The following MPHOSPH9 variants were observed in gnomAD, a reference collection of about 807,000 sequenced individuals.
MPHOSPH9 encodes M-phase phosphoprotein 9.
MPHOSPH9 carries 88 observed loss-of-function variants against 145.5 expected under a neutral mutation model. The ratio of observed to expected loss-of-function variants is 0.60; its 90% CI spans 0.51 to 0.72. The LOEUF (loss-of-function observed/expected upper bound fraction) is 0.72, where lower values mean the gene tolerates loss of function less well. Ranked by LOEUF, MPHOSPH9 falls within the 30% of genes least tolerant of loss-of-function variation. The probability of loss-of-function intolerance (pLI) is 0.00; values close to 1 mark genes in which losing one functional copy is unlikely to be tolerated. For missense variants in MPHOSPH9, 1,238 were observed against 1,386.6 expected, an observed-to-expected ratio of 0.89 and a Z score of 1.70; for synonymous variants, 435 against 486.2, an observed-to-expected ratio of 0.89 and a Z score of 1.39.
chr12:123,240,209 C>CA (rs55859746), intron 1 of MPHOSPH9, among the ~76,000 whole-genome samples: 18 of 135,050 alleles, frequency 1.3e-4, no homozygotes, highest in African/African-American at 5.1e-4. Context: ...ATTAAAAATA[C>CA]AAAAAAAAAA....
At chr12:123,164,650 A>C (rs950715287) in intron 18 of MPHOSPH9, among the ~76,000 whole-genome samples, 4 of 152,238 alleles carry the variant, frequency 2.6e-5, no homozygotes, top group Non-Finnish European at 5.9e-5. Flanking sequence ...TGATGTGTGC[A>C]AGTAAGATGG....
intron 12 of MPHOSPH9, 61 bp downstream of exon 12, chr12:123,198,186 A>T: frequency 8.2e-7 from 1 of 1,222,038 alleles, no homozygotes; most frequent in Admixed American, 2.0e-5. Flanking sequence ...AACATAACTG[A>T]TGTTATCACG....
In MPHOSPH9 at chr12:123,156,875, G is replaced by A. The variant is rs757482974; in HGVS notation, c.3484C>T (p.Arg1162Ter). The change falls in exon 24 of 24, where the codon CGA (arginine) becomes TGA (stop). Residue 1162 changes from arginine to a stop codon, truncating the protein, a stop_gained. Coordinates refer to ENST00000606320, the MANE Select transcript of MPHOSPH9 (RefSeq NM_022782.4). LOFTEE classifies it high-confidence loss of function. ...GTCATGCGAACTGAACCCAGTTCTC[G>A]ATTAATCCTTTCCAAACGATCTTCC... ...ALEDRLERIN[R>*]ELGSVRMTLK... is the part of the protein sequence containing the mutation. 3.1e-6 allele frequency: 5 copies of A among 1,609,590 alleles called. No homozygotes were observed. Among genetic ancestry groups the A allele is most frequent in the African/African-American group, 2.7e-5 (2 of 74,866 alleles).
At chr12:123,193,822 A>T (rs55936788) in intron 13 of MPHOSPH9, among the ~76,000 whole-genome samples, 1 of 68,686 alleles carries the variant, frequency 1.5e-5, no homozygotes, top group Non-Finnish European at 4.3e-5. Flanking sequence ...ATGCAGACAC[A>T]GTTTTTTTTT....
intron 3 of MPHOSPH9, chr12:123,226,257 A>G: frequency 3.5e-6 from 3 of 850,418 alleles, no homozygotes; most frequent in African/African-American, 3.6e-5. Context: ...TATAATTTCA[A>G]TAATTATGGA....
At chr12:123,203,481 G>A (rs755244795) in intron 8 of MPHOSPH9, 106 bp from the exon 9 acceptor site, 6 of 993,262 alleles carry the variant, frequency 6.0e-6, no homozygotes, top group Non-Finnish European at 4.3e-6. Flanking sequence ...TAAGCAAATT[G>A]AAAATGTAGA....
Position 123,176,028 on chromosome 12 carries a change from C to T in MPHOSPH9, c.2456+660G>A, listed in dbSNP as rs562464182. On this transcript the variant is annotated intron_variant, in intron 16 of 23. Coordinates refer to ENST00000606320, the MANE Select transcript of MPHOSPH9 (RefSeq NM_022782.4). ...AATTACAGACGTGAACCACTGTGCC[C>T]GGCCCTAGAAAAAGCTCCTCATTTG... Among the ~76,000 whole-genome samples, 5 of 152,026 alleles carry T rather than the reference C, an allele frequency of 3.3e-5. No homozygotes were observed. In the East Asian group the frequency reaches 9.7e-4, roughly 29 times the overall value.
At chr12:123,152,476 A>T (rs2043794430), downstream of MPHOSPH9, 2 of 435,732 alleles carry the variant, frequency 4.6e-6, no homozygotes, top group African/African-American at 4.0e-5. Context: ...AGCACTGTAA[A>T]AAGCACATTT....
At chr12:123,177,016 C>T (rs1050893630) in intron 15 of MPHOSPH9, among the ~76,000 whole-genome samples, 1 of 151,326 alleles carries the variant, frequency 6.6e-6, no homozygotes, top group Non-Finnish European at 1.5e-5. Flanking sequence ...ATGGTGAAAC[C>T]CTGTCTCTAC....
At chr12:123,193,159 T>C (rs1017161810) in intron 13 of MPHOSPH9, among the ~76,000 whole-genome samples, 2 of 125,894 alleles carry the variant, frequency 1.6e-5, no homozygotes, top group Non-Finnish European at 1.6e-5. Flanking sequence ...ACGAACCACA[T>C]GGGAAGGAGC....
At chr12:123,230,023 T>C (rs912218897) in intron 2 of MPHOSPH9, 4 of 278,520 alleles carry the variant, frequency 1.4e-5, no homozygotes, top group African/African-American at 6.8e-5. Context: ...GGCTTCACCA[T>C]GTTAGCCAGG....
At chr12:123,177,936 G>T (rs763139696) in intron 15 of MPHOSPH9, among the ~76,000 whole-genome samples, 28 of 152,098 alleles carry the variant, frequency 1.8e-4, no homozygotes, top group Non-Finnish European at 3.7e-4. Context: ...TATTTCATCT[G>T]ATTTGTGCCA....
intron 3 of MPHOSPH9, among the ~76,000 whole-genome samples, chr12:123,223,794 C>T (rs2047316551): frequency 6.6e-6 from 1 of 152,120 alleles, no homozygotes; most frequent in African/African-American, 2.4e-5. Flanking sequence ...GTCTCCTACC[C>T]CTGCCCCACT....
intron 7 of MPHOSPH9, among the ~76,000 whole-genome samples, 182 bp from the exon 8 acceptor site, chr12:123,210,344 T>C (rs2046647917): frequency 6.6e-6 from 1 of 152,174 alleles, no homozygotes; most frequent in Non-Finnish European, 1.5e-5. Context: ...CCTAACTGGA[T>C]GCAAATGTTT....
At chr12:123,182,379 A>C (rs1425526707) in intron 13 of MPHOSPH9, among the ~76,000 whole-genome samples, 2 of 146,420 alleles carry the variant, frequency 1.4e-5, no homozygotes, top group African/African-American at 5.1e-5. Flanking sequence ...TCAGCTTCCC[A>C]AGTAGCTGGG....
intron 1 of MPHOSPH9, among the ~76,000 whole-genome samples, chr12:123,240,256 C>T (rs187480530): frequency 1.3e-5 from 2 of 150,588 alleles, no homozygotes; most frequent in African/African-American, 4.9e-5. Flanking sequence ...CACCTGTAAT[C>T]CCAGCTACTT....
intron 22 of MPHOSPH9, 41 bp from the exon 23 acceptor site, chr12:123,160,890 G>C: frequency 6.3e-7 from 1 of 1,592,756 alleles, no homozygotes; most frequent in Non-Finnish European, 8.6e-7. Flanking sequence ...TTACTGGCAG[G>C]GAGGTTTATC....
In MPHOSPH9 at chr12:123,176,152, C is replaced by A. The variant is rs547790378; in HGVS notation, c.2456+536G>T. On this transcript the variant is annotated intron_variant, in intron 16 of 23. Coordinates refer to ENST00000606320, the MANE Select transcript of MPHOSPH9 (RefSeq NM_022782.4). ...TACTTATTAATATTCTTTATTTACA[C>A]CCAAATCATAATAAAATTCAGATCT... Among the ~76,000 whole-genome samples, 8 of 152,010 alleles carry A rather than the reference C, an allele frequency of 5.3e-5. 1 individual carries two copies. The South Asian group carries it at 1.7e-3, about 32-fold the overall frequency.
At chr12:123,242,405 T>C (rs2047954400) in intron 1 of MPHOSPH9, among the ~76,000 whole-genome samples, 1 of 152,238 alleles carries the variant, frequency 6.6e-6, no homozygotes, top group Non-Finnish European at 1.5e-5. Flanking sequence ...CAATGAGCTA[T>C]AATTTGAGCT....
Sources: allele counts gnomAD v4.1 joint callset (sites outside exome capture counted in the v4.1 genomes callset), GRCh38; gene constraint gnomAD v4.1.1; transcripts MANE v1.5; gene names NCBI Gene and HGNC (gene_info 2026-07-23, HGNC 2026-07-21).